Variants in SERPINB10 observed in about 807,000 individuals in gnomAD.
The protein encoded by SERPINB10 is serpin family B member 10.
In SERPINB10, 35 loss-of-function variants were observed where a neutral mutation model predicts 39.1. The ratio of observed to expected loss-of-function variants is 0.90; its 90% CI spans 0.68 to 1.19. The LOEUF is 1.19. Among genes scored for constraint, SERPINB10 ranks in the 50% most tolerant of loss-of-function variants. The pLI is 0.00. For missense variants in SERPINB10, 546 were observed against 460.5 expected (o/e 1.19, Z -1.70); for synonymous variants, 190 against 158.1 (o/e 1.20, Z -1.52).
intron 1 of SERPINB10, among the ~76,000 whole-genome samples, chr18:63,909,969 G>T (rs1277831574): frequency 6.6e-6 from 1 of 152,002 alleles, no homozygotes; most frequent in Non-Finnish European, 1.5e-5. Context: ...ATGTCAGCCT[G>T]GGATTATCAT....
chr18:63,915,750 T>G, intron 2 of SERPINB10, 72 bp downstream of exon 2: 2 of 1,307,216 alleles, frequency 1.5e-6, no homozygotes, highest in Non-Finnish European at 2.1e-6. Context: ...AACTTCAGTT[T>G]TCTCTTGACA....
At chr18:63,927,558 C>T (rs2050189682) in intron 5 of SERPINB10, among the ~76,000 whole-genome samples, 1 of 152,046 alleles carries the variant, frequency 6.6e-6, no homozygotes, top group Non-Finnish European at 1.5e-5. Flanking sequence ...GGCAAACAGG[C>T]TCCCTCAATC....
At chr18:63,913,512 T>C (rs1334393638) in intron 1 of SERPINB10, among the ~76,000 whole-genome samples, 4 of 152,114 alleles carry the variant, frequency 2.6e-5, no homozygotes, top group Non-Finnish European at 5.9e-5. Flanking sequence ...ATTTCTGCGG[T>C]AATTTCATTG....
chr18:63,929,002 C>T (rs2050200235), intron 5 of SERPINB10, among the ~76,000 whole-genome samples: 1 of 149,102 alleles, frequency 6.7e-6, no homozygotes, highest in Non-Finnish European at 1.5e-5. Context: ...AGAAACCCAG[C>T]TAAACCTGCT....
In SERPINB10 at chr18:63,933,146, A is replaced by G. The variant is rs371051894; in HGVS notation, c.732A>G (p.Lys244=). 1.1e-5 allele frequency: 18 copies of G among 1,613,912 alleles called. 1 individual carries two copies. The highest frequency in any genetic ancestry group is 8.3e-5 in the Admixed American group (5 of 59,994). ...CAGTGGGCCTTCAACTCTACTACAA[A>G]AGCCGTGACCTCAGCCTGCTTATAC... is the stretch of plus-strand genomic sequence containing the variant. ...PKAVGLQLYY[K]SRDLSLLILL... The change falls in exon 7 of 8, where the codon AAA becomes AAG. Residue 244 remains lysine (K), a synonymous_variant. Transcript: ENST00000238508.
intron 7 of SERPINB10, among the ~76,000 whole-genome samples, chr18:63,934,054 C>T (rs1047767253): frequency 6.6e-6 from 1 of 152,068 alleles, no homozygotes; most frequent in Non-Finnish European, 1.5e-5. Flanking sequence ...CCTAGAAGTG[C>T]AATTTCCTGA....
intron 5 of SERPINB10, among the ~76,000 whole-genome samples, chr18:63,921,452 A>G (rs956491516): frequency 6.6e-6 from 1 of 151,956 alleles, no homozygotes; most frequent in African/African-American, 2.4e-5. Flanking sequence ...AATCTGAGAC[A>G]TACTCTAAAT....
At chr18:63,923,814 T>G (rs1261940750) in intron 5 of SERPINB10, among the ~76,000 whole-genome samples, 1 of 151,954 alleles carries the variant, frequency 6.6e-6, no homozygotes, top group Non-Finnish European at 1.5e-5. Context: ...TCCATTTATA[T>G]TTACTTTTCA....
chr18:63,927,357 G>C (rs2050188440), intron 5 of SERPINB10, among the ~76,000 whole-genome samples: 1 of 151,956 alleles, frequency 6.6e-6, no homozygotes, highest in South Asian at 2.1e-4. Flanking sequence ...CAAAGCAATT[G>C]TCTCAGTCCA....
intron 1 of SERPINB10, among the ~76,000 whole-genome samples, chr18:63,911,103 T>C: frequency 6.6e-6 from 1 of 152,074 alleles, no homozygotes. Context: ...TTGAGAAGTG[T>C]CTGTTCATGT....
chr18:63,929,824 A>T (rs754190130), intron 5 of SERPINB10, among the ~76,000 whole-genome samples: 1 of 151,958 alleles, frequency 6.6e-6, no homozygotes, highest in African/African-American at 2.4e-5. Context: ...ATGTGGAATA[A>T]TGCTTACTGA....
intron 5 of SERPINB10, among the ~76,000 whole-genome samples, chr18:63,928,166 A>T (rs2050193730): frequency 6.6e-6 from 1 of 151,994 alleles, no homozygotes; most frequent in Admixed American, 6.6e-5. Context: ...TGTCTCTTAT[A>T]ATTTTAACAG....
At chr18:63,924,779 A>T (rs563185138) in intron 5 of SERPINB10, among the ~76,000 whole-genome samples, 1 of 151,868 alleles carries the variant, frequency 6.6e-6, no homozygotes, top group East Asian at 1.9e-4. Context: ...AGTCTAATCC[A>T]TCTGTATTTT....
Position 63,908,050 on chromosome 18 carries a change from A to C in SERPINB10, c.-10+10A>C. 3.1e-6 allele frequency: 1 copy of C among 323,094 alleles called. No homozygotes were observed. The highest frequency in any genetic ancestry group is 2.5e-5 in the South Asian group (1 of 39,570). The allele number at this position is 323,094 out of a possible 1,614,324, so 20.0% of individuals were successfully genotyped here. ...AGTGGGAGAAAACAAGGTATTGTAAATATTTCTTTGGTTAATGATTTTATT... is the reference window on the plus strand; with the variant it reads ...AGTGGGAGAAAACAAGGTATTGTAACTATTTCTTTGGTTAATGATTTTATT... On this transcript the variant is annotated intron_variant, in intron 1 of 7. Coordinates refer to ENST00000238508, the MANE Select transcript of SERPINB10 (RefSeq NM_005024.3).
At chr18:63,930,482 A>G (rs182103389) in intron 6 of SERPINB10, among the ~76,000 whole-genome samples, 4 of 152,272 alleles carry the variant, frequency 2.6e-5, no homozygotes, top group Admixed American at 2.0e-4. Flanking sequence ...GACTGGAGGC[A>G]TGCCTGAGTT....
At chr18:63,915,332 A>C (rs962445915) in intron 1 of SERPINB10, among the ~76,000 whole-genome samples, 170 bp from the exon 2 acceptor site, 2 of 152,108 alleles carry the variant, frequency 1.3e-5, no homozygotes, top group African/African-American at 4.8e-5. Flanking sequence ...TCTAAACTTC[A>C]GTGTTTTAAT....
chr18:63,930,523 C>T (rs149161822), intron 6 of SERPINB10, among the ~76,000 whole-genome samples: 111 of 152,226 alleles, frequency 7.3e-4, no homozygotes, highest in African/African-American at 2.6e-3. Context: ...ACCTAAGAGT[C>T]CTCACTGCAA....
At chr18:63,912,345 C>A (rs958180575) in intron 1 of SERPINB10, among the ~76,000 whole-genome samples, 1 of 151,968 alleles carries the variant, frequency 6.6e-6, no homozygotes, top group East Asian at 1.9e-4. Flanking sequence ...AAAGAGTAGG[C>A]ATTCTTGTCT....
chr18:63,933,250 C>T (rs1568251321), intron 7 of SERPINB10, 47 bp downstream of exon 7: 2 of 1,602,924 alleles, frequency 1.2e-6, no homozygotes, highest in African/African-American at 1.3e-5. Flanking sequence ...CCAGTGTTTA[C>T]TAAGAAAAGA....
Sources: allele counts gnomAD v4.1 joint callset (sites outside exome capture counted in the v4.1 genomes callset), GRCh38; gene constraint gnomAD v4.1.1; transcripts MANE v1.5; gene names NCBI Gene and HGNC (gene_info 2026-07-23, HGNC 2026-07-21).